PDGFC: variants seen among roughly 807,000 people sequenced by gnomAD.
The protein encoded by PDGFC is platelet derived growth factor C.
A neutral mutation model predicts 35.5 loss-of-function variants in PDGFC; 12 were observed. The ratio of observed to expected loss-of-function variants is 0.34; its 90% CI spans 0.22 to 0.55. PDGFC has a LOEUF of 0.55. Ranked by LOEUF, PDGFC falls within the 20% of genes least tolerant of loss-of-function variation. The pLI, the probability that PDGFC is intolerant of heterozygous loss-of-function variation, is 0.91. For synonymous variants in PDGFC, 159 were observed against 148.8 expected, an observed-to-expected ratio of 1.07 and a Z score of -0.50; for missense variants, 322 against 412.4, an observed-to-expected ratio of 0.78 and a Z score of 1.90.
intron 3 of PDGFC, among the ~76,000 whole-genome samples, chr4:156,789,548 AC>A (rs1286940959): frequency 6.6e-6 from 1 of 152,046 alleles, no homozygotes; most frequent in East Asian, 1.9e-4. Flanking sequence ...ACACACACCA[AC>A]TAGCACTCAT....
chr4:156,966,560 A>G (rs930212451), intron 1 of PDGFC, among the ~76,000 whole-genome samples: 2 of 152,310 alleles, frequency 1.3e-5, no homozygotes, highest in East Asian at 1.9e-4. Flanking sequence ...GTTTATAGAT[A>G]AAACTTAGAA....
chr4:156,901,017 A>T (rs940489579), intron 1 of PDGFC, among the ~76,000 whole-genome samples: 9 of 152,100 alleles, frequency 5.9e-5, no homozygotes, highest in African/African-American at 2.2e-4. Context: ...AGAGAATGCA[A>T]AAGATGAAAC....
intron 3 of PDGFC, among the ~76,000 whole-genome samples, chr4:156,795,585 G>A (rs937352039): frequency 6.6e-6 from 1 of 152,190 alleles, no homozygotes. Context: ...AACTACTCAA[G>A]TTAACTAATG....
chr4:156,920,114 C>T (rs1373881043), intron 1 of PDGFC, among the ~76,000 whole-genome samples: 1 of 152,164 alleles, frequency 6.6e-6, no homozygotes, highest in Non-Finnish European at 1.5e-5. Flanking sequence ...TCCTGAAGGC[C>T]TCACCAGAAG....
At chr4:156,911,326 A>G (rs1272125561) in intron 1 of PDGFC, among the ~76,000 whole-genome samples, 1 of 152,116 alleles carries the variant, frequency 6.6e-6, no homozygotes, top group Non-Finnish European at 1.5e-5. Context: ...CATATAGAGG[A>G]TATCATATGC....
intron 1 of PDGFC, among the ~76,000 whole-genome samples, chr4:156,879,071 T>A (rs1730182160): frequency 6.6e-6 from 1 of 152,206 alleles, no homozygotes; most frequent in Non-Finnish European, 1.5e-5. Flanking sequence ...GTAGGTACTG[T>A]CAGTTGTCTT....
At chr4:156,778,213 C>G (rs183174069) in intron 3 of PDGFC, 123 of 395,494 alleles carry the variant, frequency 3.1e-4, no homozygotes, top group African/African-American at 2.2e-3. Flanking sequence ...TTGTGAGAAG[C>G]CAAGTATACT....
intron 3 of PDGFC, among the ~76,000 whole-genome samples, chr4:156,807,654 G>C (rs1366172029): frequency 6.6e-6 from 1 of 151,920 alleles, no homozygotes; most frequent in Admixed American, 6.6e-5. Context: ...TTAAAACTCT[G>C]CCTCTAAGAC....
intron 1 of PDGFC, among the ~76,000 whole-genome samples, chr4:156,925,492 G>C (rs1171194483): frequency 6.6e-6 from 1 of 152,086 alleles, no homozygotes; most frequent in Admixed American, 6.5e-5. Flanking sequence ...TCTGCACATG[G>C]TACTGGCGGG....
intron 1 of PDGFC, among the ~76,000 whole-genome samples, chr4:156,860,910 G>T (rs1042805851): frequency 3.3e-5 from 5 of 151,988 alleles, no homozygotes; most frequent in African/African-American, 1.2e-4. Flanking sequence ...AAAAAGAACT[G>T]ATGTAATTAT....
At chr4:156,888,818 A>G (rs1730437336) in intron 1 of PDGFC, among the ~76,000 whole-genome samples, 1 of 152,164 alleles carries the variant, frequency 6.6e-6, no homozygotes, top group African/African-American at 2.4e-5. Context: ...CTAAACATTC[A>G]TAATATGGTG....
At chr4:156,766,175 A>C (rs184502414) in intron 5 of PDGFC, among the ~76,000 whole-genome samples, 1 of 152,250 alleles carries the variant, frequency 6.6e-6, no homozygotes, top group East Asian at 1.9e-4. Context: ...TCTCTAATAG[A>C]GTACCTTTGA....
At chr4:156,841,666 C>T (rs1359263997) in intron 2 of PDGFC, among the ~76,000 whole-genome samples, 1 of 152,030 alleles carries the variant, frequency 6.6e-6, no homozygotes, top group East Asian at 1.9e-4. Context: ...GCCACCATGC[C>T]CAGCTCATTT....
intron 1 of PDGFC, among the ~76,000 whole-genome samples, chr4:156,921,616 T>C (rs1431699150): frequency 6.6e-6 from 1 of 152,130 alleles, no homozygotes; most frequent in Non-Finnish European, 1.5e-5. Context: ...CACAGAAATA[T>C]GTTTTCAGTA....
intron 1 of PDGFC, among the ~76,000 whole-genome samples, chr4:156,873,303 T>C (rs1340071818): frequency 6.6e-6 from 1 of 152,172 alleles, no homozygotes; most frequent in East Asian, 1.9e-4. Flanking sequence ...GAAGAACAGT[T>C]TGAGAACAGT....
intron 1 of PDGFC, among the ~76,000 whole-genome samples, chr4:156,879,762 C>T (rs980406249): frequency 6.6e-6 from 1 of 152,130 alleles, no homozygotes; most frequent in East Asian, 1.9e-4. Context: ...TCTTTCAAAG[C>T]CCCCAGGAAC....
Position 156,970,865 on chromosome 4 carries a change from C to T in PDGFC, c.39G>A (p.Leu13=). The change falls in exon 1 of 6, where the codon CTG becomes CTA. Residue 13 remains leucine, a synonymous_variant. Coordinates refer to ENST00000502773, the MANE Select transcript of PDGFC (RefSeq NM_016205.3). The stretch of plus-strand genomic sequence containing the variant: ...CCTGAGTCCCCTGTCTCTGGCCGGC[C>T]AGGGCAGATGTCAGCAGGAGAAGCC... ...LFGLLLLTSA[L]AGQRQGTQAE... 6.2e-7 allele frequency: 1 copy of T among 1,613,962 alleles called. No homozygotes were observed. Among genetic ancestry groups the T allele is most frequent in the Non-Finnish European group, 8.5e-7 (1 of 1,179,922 alleles).
intron 4 of PDGFC, among the ~76,000 whole-genome samples, 169 bp from the exon 5 acceptor site, chr4:156,768,159 G>A (rs1730591822): frequency 6.6e-6 from 1 of 151,948 alleles, no homozygotes; most frequent in Non-Finnish European, 1.5e-5. Context: ...ACTACAAATT[G>A]GACCTTCTAG....
chr4:156,840,457 T>C (rs986885849), intron 2 of PDGFC, among the ~76,000 whole-genome samples: 5 of 152,196 alleles, frequency 3.3e-5, no homozygotes, highest in Admixed American at 6.5e-5. Flanking sequence ...AGAGGATCTA[T>C]GGAAACACTG....
Sources: gnomAD v4.1 joint callset for allele counts (sites outside exome capture counted in the v4.1 genomes callset) on GRCh38, gnomAD v4.1.1 for gene constraint, MANE v1.5 for transcripts, NCBI Gene and HGNC (gene_info 2026-07-23, HGNC 2026-07-21) for gene names.